The following VWF variants were observed in gnomAD, a reference collection of about 807,000 sequenced individuals.
The protein encoded by VWF is von Willebrand factor.
Under a neutral mutation model 308.6 loss-of-function variants are expected in VWF, and 176 were observed. The ratio of observed to expected loss-of-function variants is 0.57; its 90% CI spans 0.50 to 0.65. The LOEUF (loss-of-function observed/expected upper bound fraction) is 0.65, where lower values mean the gene tolerates loss of function less well. VWF is among the 30% of genes least tolerant of loss of function. The pLI, the probability that VWF is intolerant of heterozygous loss-of-function variation, is 0.00. For synonymous variants in VWF, 1,385 were observed against 1,443.4 expected (o/e 0.96, Z 0.92); for missense variants, 3,146 against 3,648.2 (o/e 0.86, Z 3.55).
At chr12:6,056,650 C>G (rs1390303766) in intron 15 of VWF, among the ~76,000 whole-genome samples, 1 of 152,134 alleles carries the variant, frequency 6.6e-6, no homozygotes, top group African/African-American at 2.4e-5. Flanking sequence ...GGAACAGGCC[C>G]GAATCATCAG....
Position 5,976,225 on chromosome 12 carries a change from G to T in VWF, c.7323C>A (p.Gly2441=). Reference sequence around the variant, plus strand: ...CATCGCAGCCCTCCTCCCAGAACTGGCCCACAGGGTAGATGGTGCTTCGGT... The same window carrying T: ...CATCGCAGCCCTCCTCCCAGAACTGTCCCACAGGGTAGATGGTGCTTCGGT... ...CVHRSTIYPV[G]QFWEEGCDVC... is the part of the protein sequence containing the mutation. The change falls in exon 43 of 52, where the codon GGC becomes GGA. Residue 2441 remains glycine, a synonymous_variant. Transcript: ENST00000261405. The T allele has an allele frequency of 2.5e-6, 4 of 1,614,116 alleles. No homozygotes were observed. The highest frequency in any genetic ancestry group is 3.4e-6 in the Non-Finnish European group (4 of 1,180,028).
At chr12:6,106,996 A>G (rs1440647103) in intron 5 of VWF, among the ~76,000 whole-genome samples, 2 of 152,134 alleles carry the variant, frequency 1.3e-5, no homozygotes, top group African/African-American at 2.4e-5. Flanking sequence ...TTTGTTCATA[A>G]TTTTCCATAA....
At position 6,072,425 on chromosome 12, in the gene VWF, C is replaced by T; in HGVS notation, c.1015G>A (p.Glu339Lys). The change falls in exon 9 of 52, where the codon GAA becomes AAA. Residue 339 changes from glutamate (E) to lysine (K), a missense_variant. Coordinates refer to ENST00000261405, the MANE Select transcript of VWF (RefSeq NM_000552.5). ...CSCPEGQLLD[E>K]GLCVESTECP... ...TCGGTGCTCTCCACGCAGAGGCCTT[C>T]ATCCAGGAGCTGTCCCTCTGGGGTC... 1 of 1,614,134 alleles carries T rather than the reference C, an allele frequency of 6.2e-7. No homozygotes were observed. Among genetic ancestry groups the T allele is most frequent in the Non-Finnish European group, 8.5e-7 (1 of 1,180,040 alleles).
chr12:6,103,751 CA>C (rs201901971), intron 5 of VWF, among the ~76,000 whole-genome samples: 1 of 149,716 alleles, frequency 6.7e-6, no homozygotes, highest in Non-Finnish European at 1.5e-5. Flanking sequence ...TCACCATATA[CA>C]AAAAAAAATC....
chr12:6,042,880 C>T (rs1207462887), intron 18 of VWF, among the ~76,000 whole-genome samples: 1 of 152,152 alleles, frequency 6.6e-6, no homozygotes, highest in East Asian at 1.9e-4. Flanking sequence ...AGTGATGTTC[C>T]TTTTCCTGCT....
intron 6 of VWF, among the ~76,000 whole-genome samples, chr12:6,083,663 A>T (rs771673703): frequency 1.3e-5 from 2 of 152,248 alleles, no homozygotes; most frequent in African/African-American, 2.4e-5. Context: ...AAAGTTGTCC[A>T]GGAGCTATTC....
At chr12:5,968,959 T>A (rs4764478) in intron 45 of VWF, among the ~76,000 whole-genome samples, 32,584 of 152,098 alleles carry the variant, frequency 0.21, 3,652 homozygotes, top group African/African-American at 0.23. Flanking sequence ...TCACAGCATT[T>A]CAAAGGTGGT....
chr12:6,059,762 A>G (rs988535297), intron 13 of VWF, among the ~76,000 whole-genome samples: 1 of 152,244 alleles, frequency 6.6e-6, no homozygotes, highest in African/African-American at 2.4e-5. Context: ...TTCAGTCCAC[A>G]GCAGTGCCAG....
At chr12:6,049,531 C>T (rs1392587927) in intron 16 of VWF, among the ~76,000 whole-genome samples, 1 of 152,220 alleles carries the variant, frequency 6.6e-6, no homozygotes, top group Non-Finnish European at 1.5e-5. Context: ...CACTGAAACA[C>T]AGAGGCCACC....
At chr12:5,954,378 G>A (rs1447836707) in intron 47 of VWF, among the ~76,000 whole-genome samples, 1 of 152,152 alleles carries the variant, frequency 6.6e-6, no homozygotes, top group African/African-American at 2.4e-5. Flanking sequence ...AATATTTAAA[G>A]CCAACTGTTC....
chr12:5,969,640 A>G lies in VWF; in HGVS notation c.7549-249T>C, dbSNP rs537651994. Among the ~76,000 whole-genome samples, 3 of 152,228 alleles carry G rather than the reference A, an allele frequency of 2.0e-5. No individual in the cohort carries two copies. The East Asian group carries it at 5.8e-4, about 29-fold the overall frequency. ...GCAAGCACCTTGGAGAAGCCAGGGG[A>G]CTCACCCTCCCTTCCTCAGCATTGG... is the stretch of plus-strand genomic sequence containing the variant. On this transcript the variant is annotated intron_variant, in intron 44 of 51. Transcript: ENST00000261405.
At chr12:6,052,358 G>A (rs1418683719) in intron 16 of VWF, among the ~76,000 whole-genome samples, 185 bp downstream of exon 16, 2 of 152,220 alleles carry the variant, frequency 1.3e-5, no homozygotes, top group Non-Finnish European at 2.9e-5. Context: ...TCCCTGTGTA[G>A]TAAGGAAGTC....
chr12:6,025,022 CAAAA>C (rs34547698), intron 24 of VWF, among the ~76,000 whole-genome samples: 3 of 119,680 alleles, frequency 2.5e-5, no homozygotes, highest in Non-Finnish European at 5.3e-5. Flanking sequence ...GACTCTGTCT[CAAAA>C]AAAAAAAAAA....
rs1471502185 is a variant in VWF, at chr12:6,020,813, T to C, written c.3675-1070A>G. 6.6e-6 allele frequency among the ~76,000 whole-genome samples: 1 copy of C among 152,262 alleles called. No individual in the cohort carries two copies. Among genetic ancestry groups the C allele is most frequent in the Non-Finnish European group, 1.5e-5 (1 of 68,044 alleles). Reference sequence around the variant, plus strand: ...TGCCACCAGCCTGCTGTGGGACTTCTGTCCACACACTGCTTGCAGCTTCAG... The same window carrying C: ...TGCCACCAGCCTGCTGTGGGACTTCCGTCCACACACTGCTTGCAGCTTCAG... On this transcript the variant is annotated intron_variant, in intron 27 of 51. Transcript: ENST00000261405. This position sits in a 1 kb window ranked among gnomAD's most constrained non-coding sequence, Gnocchi z 4.3.
chr12:6,092,484 T>A (rs543298643), intron 6 of VWF, among the ~76,000 whole-genome samples: 1 of 151,960 alleles, frequency 6.6e-6, no homozygotes, highest in South Asian at 2.1e-4. Flanking sequence ...CTGGGATTAC[T>A]GGTGCACCAC....
In VWF at chr12:5,950,012, G is replaced by A. The variant is rs771442175; in HGVS notation, c.8156-129C>T. ...GTAACCAAATAAAGCCAGCCACAGG[G>A]AGGGAATTCAGTTATCCTGGTTCAC... On this transcript the variant is annotated intron_variant, in intron 50 of 51. Coordinates refer to ENST00000261405, the MANE Select transcript of VWF (RefSeq NM_000552.5). 1.3e-4 allele frequency: 105 copies of A among 790,532 alleles called. 1 individual carries two copies. Among genetic ancestry groups the A allele is most frequent in the Non-Finnish European group, 2.2e-4 (101 of 463,384 alleles). 49.0% of individuals were successfully genotyped at this position (790,532 alleles called of 1,614,324 possible). A position where few individuals can be genotyped will look rare whatever the true frequency, so the allele number is the denominator to read the frequency against.
At chr12:6,087,525 A>AT (rs758721934) in intron 6 of VWF, among the ~76,000 whole-genome samples, 1,747 of 129,306 alleles carry the variant, frequency 0.014, 80 homozygotes, top group African/African-American at 0.044. Flanking sequence ...CGCCCGGCTA[A>AT]TTTTTTTTTT....
chr12:6,002,365 T>A (rs933415466), intron 34 of VWF, among the ~76,000 whole-genome samples: 1 of 151,832 alleles, frequency 6.6e-6, no homozygotes, highest in Non-Finnish European at 1.5e-5. Context: ...AATAAACATG[T>A]ATATAAATTA....
At chr12:6,072,953 G>A (rs1028013776) in intron 8 of VWF, among the ~76,000 whole-genome samples, 1 of 150,500 alleles carries the variant, frequency 6.6e-6, no homozygotes, top group Non-Finnish European at 1.5e-5. Context: ...TGCAACTTCC[G>A]CCGCCTGGGT....
Sources: gnomAD v4.1 joint callset for allele counts (sites outside exome capture counted in the v4.1 genomes callset) on GRCh38, gnomAD v4.1.1 for gene constraint, Gnocchi (gnomAD v3.1) non-coding constraint, MANE v1.5 for transcripts, NCBI Gene and HGNC (gene_info 2026-07-23, HGNC 2026-07-21) for gene names.